The following FSTL4 variants were observed in gnomAD, a reference collection of about 807,000 sequenced individuals.
FSTL4 encodes the protein follistatin-related protein 4.
A neutral mutation model predicts 78.2 loss-of-function variants in FSTL4; 28 were observed. The ratio of observed to expected loss-of-function variants is 0.36; its 90% CI spans 0.27 to 0.49. The LOEUF is 0.49. FSTL4 is among the 20% of genes least tolerant of loss of function. The pLI, the probability that FSTL4 is intolerant of heterozygous loss-of-function variation, is 0.98. For synonymous variants in FSTL4, 422 were observed against 440.5 expected, an observed-to-expected ratio of 0.96 and a Z score of 0.53; for missense variants, 922 against 1,084.9, an observed-to-expected ratio of 0.85 and a Z score of 2.11.
At position 133,611,649 on chromosome 5, in the gene FSTL4, C is replaced by G. The variant is rs1220817456; in HGVS notation, c.-11+676G>C. On this transcript the variant is annotated intron_variant, in intron 1 of 15. Transcript: ENST00000265342. This position sits in a 1 kb window ranked among gnomAD's most constrained non-coding sequence, Gnocchi z 4.9. Reference sequence around the variant, plus strand: ...GGTACCCCGGGCCGCTCACTCTGGACCGCGGCCGGCTACGCACAAGCAGCG... The same window carrying G: ...GGTACCCCGGGCCGCTCACTCTGGAGCGCGGCCGGCTACGCACAAGCAGCG... 6.6e-6 allele frequency among the ~76,000 whole-genome samples: 1 copy of G among 152,190 alleles called. No individual in the cohort carries two copies. Among genetic ancestry groups the G allele is most frequent in the East Asian group, 1.9e-4 (1 of 5,170 alleles).
chr5:133,703,277 C>T, the FSTL4 span, among the ~76,000 whole-genome samples: 4 of 152,178 alleles, frequency 2.6e-5, no homozygotes, highest in Non-Finnish European at 4.4e-5. Flanking sequence ...TTAGCTGTGG[C>T]AGAATACTAC....
At chr5:133,314,335 T>G (rs751421524) in intron 5 of FSTL4, among the ~76,000 whole-genome samples, 1 of 152,198 alleles carries the variant, frequency 6.6e-6, no homozygotes. Context: ...GGCAGGGCGG[T>G]TGCCCCGGGG....
At chr5:133,371,923 T>C (rs1460016600) in intron 4 of FSTL4, among the ~76,000 whole-genome samples, 1 of 152,184 alleles carries the variant, frequency 6.6e-6, no homozygotes, top group Non-Finnish European at 1.5e-5. Flanking sequence ...GCCCACTTCA[T>C]CACCGGGAGG....
the FSTL4 span, among the ~76,000 whole-genome samples, chr5:133,763,911 G>GC: frequency 6.6e-6 from 1 of 152,130 alleles, no homozygotes; most frequent in Non-Finnish European, 1.5e-5. Flanking sequence ...CAGCAGACGG[G>GC]CCCGTGCTCA....
At chr5:133,691,673 G>A in the FSTL4 span, among the ~76,000 whole-genome samples, 5 of 152,018 alleles carry the variant, frequency 3.3e-5, no homozygotes, top group African/African-American at 9.7e-5. Flanking sequence ...AGACTGGGGT[G>A]AATGGAGGGA....
At chr5:133,492,074 T>C (rs1236980220) in intron 3 of FSTL4, among the ~76,000 whole-genome samples, 1 of 152,190 alleles carries the variant, frequency 6.6e-6, no homozygotes, top group Non-Finnish European at 1.5e-5. Flanking sequence ...TTAGAGGTTA[T>C]ATTCTATTTC....
the FSTL4 span, among the ~76,000 whole-genome samples, chr5:133,742,745 G>A: frequency 6.6e-6 from 1 of 152,098 alleles, no homozygotes; most frequent in Non-Finnish European, 1.5e-5. Context: ...GGTGTGAGGG[G>A]GTTAGTGCTT....
At chr5:133,466,713 C>A (rs1240580161) in intron 3 of FSTL4, among the ~76,000 whole-genome samples, 2 of 152,232 alleles carry the variant, frequency 1.3e-5, no homozygotes, top group Non-Finnish European at 2.9e-5. Context: ...CAAGGCCCTG[C>A]CTCTCTCAGG....
At chr5:133,445,131 A>G (rs185147219) in intron 3 of FSTL4, among the ~76,000 whole-genome samples, 207 of 152,362 alleles carry the variant, frequency 1.4e-3, no homozygotes, top group African/African-American at 4.8e-3. Flanking sequence ...TTCTGCTCCC[A>G]GTGTTTTCAC....
the FSTL4 span, among the ~76,000 whole-genome samples, chr5:133,748,653 A>G: frequency 6.6e-6 from 1 of 152,204 alleles, no homozygotes; most frequent in African/African-American, 2.4e-5. Context: ...CAACCTGCTC[A>G]GGGAGCTGGG....
chr5:133,791,277 TGCAC>T, the FSTL4 span, among the ~76,000 whole-genome samples: 1 of 133,742 alleles, frequency 7.5e-6, no homozygotes, highest in Non-Finnish European at 1.6e-5. Context: ...CACATGTGCG[TGCAC>T]ACACACACAC....
intron 4 of FSTL4, among the ~76,000 whole-genome samples, chr5:133,371,541 A>G (rs1755300327): frequency 1.3e-5 from 2 of 152,230 alleles, no homozygotes; most frequent in South Asian, 4.1e-4. Context: ...CAGGGCCTCC[A>G]CTTGTCTGGC....
intron 3 of FSTL4, among the ~76,000 whole-genome samples, chr5:133,425,227 T>TA (rs932837845): frequency 1.1e-4 from 16 of 150,972 alleles, no homozygotes; most frequent in Non-Finnish European, 2.1e-4. Flanking sequence ...CAAAGTGACC[T>TA]AAAAAAAAAG....
At chr5:133,558,179 A>G (rs545685705) in intron 3 of FSTL4, among the ~76,000 whole-genome samples, 6 of 152,284 alleles carry the variant, frequency 3.9e-5, no homozygotes, top group African/African-American at 1.2e-4. Context: ...CCAAACTCCA[A>G]TCAGCCCAAG....
At chr5:133,254,569 A>G (rs1169804312) in intron 6 of FSTL4, among the ~76,000 whole-genome samples, 3 of 152,214 alleles carry the variant, frequency 2.0e-5, no homozygotes, top group Non-Finnish European at 2.9e-5. Flanking sequence ...GGATGCAGAG[A>G]GGGCCCCCTC....
At chr5:133,543,556 T>C (rs1395130974) in intron 3 of FSTL4, among the ~76,000 whole-genome samples, 1 of 152,230 alleles carries the variant, frequency 6.6e-6, no homozygotes, top group Middle Eastern at 3.2e-3. Flanking sequence ...TACTCTCTAG[T>C]TATGCTTTAT....
chr5:133,440,547 C>T lies in FSTL4; in HGVS notation c.161-39561G>A, dbSNP rs1404612810. On this transcript the variant is annotated intron_variant, in intron 3 of 15. Transcript: ENST00000265342. The surrounding 1 kb of genome is among the most constrained non-coding windows in gnomAD (Gnocchi z 4.1). Reference sequence around the variant, plus strand: ...CCTGGGAGAAGCAGTCGGTACTGGACTTAGCTTATCGCCTCCCCAGGATGG... The same window carrying T: ...CCTGGGAGAAGCAGTCGGTACTGGATTTAGCTTATCGCCTCCCCAGGATGG... Among the ~76,000 whole-genome samples, 2 of 152,214 alleles carry T rather than the reference C, an allele frequency of 1.3e-5. No individual in the cohort carries two copies. Among genetic ancestry groups the T allele is most frequent in the African/African-American group, 4.8e-5 (2 of 41,454 alleles).
At chr5:133,702,564 C>A in the FSTL4 span, among the ~76,000 whole-genome samples, 1 of 152,182 alleles carries the variant, frequency 6.6e-6, no homozygotes, top group Non-Finnish European at 1.5e-5. Context: ...ATACAGGGCC[C>A]ATCCTCCATC....
rs1171138575 is a variant in FSTL4, at chr5:133,197,280, T to A, written c.*1815A>T. 1 of 151,962 alleles carries A rather than the reference T, an allele frequency of 6.6e-6. No individual in the cohort carries two copies. The highest frequency in any genetic ancestry group is 1.5e-5 in the Non-Finnish European group (1 of 68,006). The allele number at this position is 151,962 out of a possible 1,614,324, so 9.4% of individuals were successfully genotyped here. On this transcript the variant is annotated 3_prime_UTR_variant, in exon 16 of 16. Transcript: ENST00000265342. ...GAGTAAACATAACATATCAAGATATTGAGGCAGGAAAAAAAAAGGGGTGAG... is the reference window on the plus strand; with the variant it reads ...GAGTAAACATAACATATCAAGATATAGAGGCAGGAAAAAAAAAGGGGTGAG...
Sources: gnomAD v4.1 joint callset for allele counts (sites outside exome capture counted in the v4.1 genomes callset) on GRCh38, gnomAD v4.1.1 for gene constraint, Gnocchi (gnomAD v3.1) non-coding constraint, MANE v1.5 for transcripts, NCBI Gene and HGNC (gene_info 2026-07-23, HGNC 2026-07-21) for gene names.